RTP1: variants seen among roughly 807,000 people sequenced by gnomAD.
RTP1 encodes receptor transporter protein 1, also known as receptor-transporting protein 1.
Under a neutral mutation model 27.1 loss-of-function variants are expected in RTP1, and 24 were observed. The ratio of observed to expected loss-of-function variants is 0.89; its 90% confidence interval spans 0.64 to 1.25. The LOEUF is 1.25. Ranked by LOEUF, RTP1 falls within the 50% of genes most tolerant of loss-of-function variation. The pLI, the probability that RTP1 is intolerant of heterozygous loss-of-function variation, is 0.00. For synonymous variants in RTP1, 148 were observed against 148.1 expected, an observed-to-expected ratio of 1.00 and a Z score of 0.00; for missense variants, 338 against 351.6, an observed-to-expected ratio of 0.96 and a Z score of 0.31.
chr3:187,199,932 C>T lies in RTP1; in HGVS notation c.654C>T (p.Ser218=), dbSNP rs267599726. 6.3e-7 allele frequency: 1 copy of T among 1,596,640 alleles called. No homozygotes were observed. The highest frequency in any genetic ancestry group is 8.5e-7 in the Non-Finnish European group (1 of 1,170,086). ...AGGAGGCGACCACCTACACCTTCTC[C>T]CGGGCGCCCAGCCCCACCAAGTCGC... ...LEEEATTYTF[S]RAPSPTKSQD... is the part of the protein sequence containing the mutation. The change falls in exon 2 of 2, where the codon TCC becomes TCT. Residue 218 remains serine (S), a synonymous_variant. Coordinates refer to ENST00000312295, the MANE Select transcript of RTP1 (RefSeq NM_153708.3).
At chr3:187,198,103 G>A (rs1721635732) in intron 1 of RTP1, 2 of 260,358 alleles carry the variant, frequency 7.7e-6, no homozygotes, top group Non-Finnish European at 1.5e-5. Flanking sequence ...TATTTTAACA[G>A]TCTCTTAAAA....
chr3:187,198,168 C>T (rs573317868), intron 1 of RTP1: 12 of 181,600 alleles, frequency 6.6e-5, no homozygotes, highest in African/African-American at 1.6e-4. Context: ...TCGAGACGTC[C>T]GTGCTCTGGT....
Position 187,199,822 on chromosome 3 carries a change from G to C in RTP1, c.544G>C (p.Asp182His). Residue 182 changes from aspartate (D) to histidine (H), a missense_variant, in exon 2 of 2, where the codon GAC (aspartate) becomes CAC (histidine). Physicochemically the swap from Asp to His is moderately conservative, Grantham distance 81. Transcript: ENST00000312295. ...CCGCATCCACGTGGCCAGCCGCCAG[G>C]ACAACCGGCGGCACCGCGGAGAGTT... ...QYRIHVASRQ[D>H]NRRHRGEFCE... 9.3e-6 allele frequency: 15 copies of C among 1,608,688 alleles called. No individual in the cohort carries two copies. Among genetic ancestry groups the C allele is most frequent in the Non-Finnish European group, 1.3e-5 (15 of 1,175,832 alleles).
chr3:187,197,865 G>T, intron 1 of RTP1, 78 bp downstream of exon 1: 3 of 1,413,394 alleles, frequency 2.1e-6, no homozygotes, highest in Non-Finnish European at 2.9e-6. Context: ...AGGAGAGGAA[G>T]ATTACGTAGA....
rs149813250 is a variant in RTP1 at position 187,199,491 on chromosome 3, A to G, written c.273-60A>G. 2.0e-6 allele frequency: 3 copies of G among 1,523,812 alleles called. No individual in the cohort carries two copies. The African/African-American group carries it at 4.1e-5, about 21-fold the overall frequency. The allele number at this position is 1,523,812 out of a possible 1,614,324, so 94.4% of individuals were successfully genotyped here. A position where few individuals can be genotyped will look rare whatever the true frequency, so the allele number is the denominator to read the frequency against. On this transcript the variant is annotated intron_variant, in intron 1 of 1. Coordinates refer to ENST00000312295, the MANE Select transcript of RTP1 (RefSeq NM_153708.3). ...CTCCACGTCCCCTCACGCCATTCCTAGGGCTGTTTCCACCACCTCCGCCCG... is the reference window on the plus strand; with the variant it reads ...CTCCACGTCCCCTCACGCCATTCCTGGGGCTGTTTCCACCACCTCCGCCCG...
In RTP1 at chr3:187,199,560, C is replaced by T; in HGVS notation, c.282C>T (p.Cys94=). 6.3e-7 allele frequency: 1 copy of T among 1,590,908 alleles called. No homozygotes were observed. The highest frequency in any genetic ancestry group is 1.1e-5 in the South Asian group (1 of 88,838). Residue 94 remains cysteine, a synonymous_variant, in exon 2 of 2, where the codon TGC becomes TGT. Transcript: ENST00000312295. ...LELHASGRFH[C]SWCWHTWQSP... is the part of the protein sequence containing the mutation. ...CCTCCCGTCTCCGCAGGTTCCACTG[C>T]TCCTGGTGCTGGCACACCTGGCAGT...
rs766102005 is a variant in RTP1, at chr3:187,200,075, C to T, written c.*5C>T. 7.3e-6 allele frequency: 11 copies of T among 1,502,082 alleles called. No individual in the cohort carries two copies. In the African/African-American group the frequency reaches 1.5e-4, roughly 21 times the overall value. 93.0% of individuals were successfully genotyped at this position (1,502,082 alleles called of 1,614,324 possible). A position where few individuals can be genotyped will look rare whatever the true frequency, so the allele number is the denominator to read the frequency against. On this transcript the variant is annotated 3_prime_UTR_variant, in exon 2 of 2. Coordinates refer to ENST00000312295, the MANE Select transcript of RTP1 (RefSeq NM_153708.3). ...TCTTTCCGTAGCTCCGTATAAGATT[C>T]CGTGGTTGGGCCCAGAGCCTGTCGA...
Position 187,197,544 on chromosome 3 carries a change from G to GCTGC in RTP1, c.31_34dup (p.Pro12LeufsTer24). On this transcript the variant is annotated frameshift_variant, in exon 1 of 2. Transcript: ENST00000312295. LOFTEE classifies it high-confidence loss of function. Reference sequence around the variant, plus strand: ...AGGATTTTTAGACCGTGGAGACTGCGCTGCCCTGCCCTGCACCTACCCTCA... The same window carrying GCTGC: ...AGGATTTTTAGACCGTGGAGACTGCGCTGCCTGCCCTGCCCTGCACCTACCCTCA... 1 of 1,614,106 alleles carries GCTGC rather than the reference G, an allele frequency of 6.2e-7. No individual in the cohort carries two copies. The highest frequency in any genetic ancestry group is 1.3e-5 in the African/African-American group (1 of 75,026).
rs921126420 is a variant in RTP1, at chr3:187,200,025, G to C, written c.747G>C (p.Leu249=). 3 of 1,523,522 alleles carry C rather than the reference G, an allele frequency of 2.0e-6. No homozygotes were observed. In the African/African-American group the frequency reaches 4.2e-5, roughly 21 times the overall value. The allele number at this position is 1,523,522 out of a possible 1,614,324, so 94.4% of individuals were successfully genotyped here. The change falls in exon 2 of 2, where the codon CTG becomes CTC. Residue 249 remains leucine (L), a synonymous_variant. Coordinates refer to ENST00000312295, the MANE Select transcript of RTP1 (RefSeq NM_153708.3). The stretch of plus-strand genomic sequence containing the variant: ...GGTGCTTGTTTTGGGCCACGGTCCT[G>C]CTGCTGATCATCTACCTGCAGTTCT... ...IPWCLFWATV[L]LLIIYLQFSF...
At chr3:187,197,969 G>A (rs1721633578) in intron 1 of RTP1, 182 bp downstream of exon 1, 7 of 600,146 alleles carry the variant, frequency 1.2e-5, no homozygotes, top group Admixed American at 6.0e-5. Context: ...ACTTGAGTTG[G>A]ATTTCAGCTC....
At chr3:187,199,476 C>G (rs946165693) in intron 1 of RTP1, 75 bp from the exon 2 acceptor site, 3 of 1,487,336 alleles carry the variant, frequency 2.0e-6, no homozygotes, top group Admixed American at 2.0e-5. Flanking sequence ...CTCCACGTCC[C>G]CTCACGCCAT....
At chr3:187,197,862 G>A (rs564521159) in intron 1 of RTP1, 75 bp downstream of exon 1, 9 of 1,447,930 alleles carry the variant, frequency 6.2e-6, no homozygotes, top group East Asian at 4.6e-5. Flanking sequence ...CCAAGGAGAG[G>A]AAGATTACGT....
Position 187,200,279 on chromosome 3 carries a change from C to T in RTP1, c.*209C>T. On this transcript the variant is annotated 3_prime_UTR_variant, in exon 2 of 2. Coordinates refer to ENST00000312295, the MANE Select transcript of RTP1 (RefSeq NM_153708.3). ...GGTTTATCATAGTGAAACCCAGGAC[C>T]CCAAAGTTCTGCGTAGGTGCCTCAG... The T allele has an allele frequency of 2.3e-6, 1 of 432,856 alleles. No individual in the cohort carries two copies. The highest frequency in any genetic ancestry group is 3.6e-5 in the East Asian group (1 of 27,564). The allele number at this position is 432,856 out of a possible 1,614,324, so 26.8% of individuals were successfully genotyped here.
At chr3:187,197,938 T>A in intron 1 of RTP1, 151 bp downstream of exon 1, 1 of 719,184 alleles carries the variant, frequency 1.4e-6, no homozygotes, top group South Asian at 2.0e-5. Context: ...AGAGAAAGAG[T>A]CCCTAACTGG....
chr3:187,199,644 G>T lies in RTP1; in HGVS notation c.366G>T (p.Ser122=), dbSNP rs369967745. The change falls in exon 2 of 2, where the codon TCG becomes TCT. Residue 122 remains serine, a synonymous_variant. Coordinates refer to ENST00000312295, the MANE Select transcript of RTP1 (RefSeq NM_153708.3). ...TGGACCGCGCCCAGCGGGCGGGCTC[G>T]GTGCGCATGCGCGTCTTCAAGCAGC... ...MFLDRAQRAG[S]VRMRVFKQLC... 9.3e-6 allele frequency: 15 copies of T among 1,609,114 alleles called. No individual in the cohort carries two copies. In the African/African-American group the frequency reaches 1.9e-4, roughly 20 times the overall value.
At chr3:187,197,857 G>A (rs1192466466) in intron 1 of RTP1, 70 bp downstream of exon 1, 3 of 1,476,494 alleles carry the variant, frequency 2.0e-6, no homozygotes, top group Non-Finnish European at 2.8e-6. Flanking sequence ...ACCTTCCAAG[G>A]AGAGGAAGAT....
chr3:187,198,942 G>A (rs1371299506), intron 1 of RTP1, among the ~76,000 whole-genome samples: 1 of 152,164 alleles, frequency 6.6e-6, no homozygotes, highest in Non-Finnish European at 1.5e-5. Context: ...TGTGGGGGCT[G>A]AGTGGGGAGG....
chr3:187,200,119 G>A lies in RTP1; in HGVS notation c.*49G>A. The A allele has an allele frequency of 6.8e-7, 1 of 1,474,458 alleles. No individual in the cohort carries two copies. 91.3% of individuals were successfully genotyped at this position (1,474,458 alleles called of 1,614,324 possible). A position where few individuals can be genotyped will look rare whatever the true frequency, so the allele number is the denominator to read the frequency against. ...CTGTCGAGGGTGCCAGTTAGCTGATGCGAGGGTAGAGGAGAGACGTGGGTT... is the reference window on the plus strand; with the variant it reads ...CTGTCGAGGGTGCCAGTTAGCTGATACGAGGGTAGAGGAGAGACGTGGGTT... On this transcript the variant is annotated 3_prime_UTR_variant, in exon 2 of 2. Coordinates refer to ENST00000312295, the MANE Select transcript of RTP1 (RefSeq NM_153708.3).
At position 187,199,710 on chromosome 3, in the gene RTP1, C is replaced by T. The variant is rs757494379; in HGVS notation, c.432C>T (p.Ser144=). 4 of 1,612,810 alleles carry T rather than the reference C, an allele frequency of 2.5e-6. No individual in the cohort carries two copies. Among genetic ancestry groups the T allele is most frequent in the Non-Finnish European group, 3.4e-6 (4 of 1,179,252 alleles). Residue 144 remains serine, a synonymous_variant, in exon 2 of 2, where the codon AGC becomes AGT. Transcript: ENST00000312295. Reference sequence around the variant, plus strand: ...GCACGGCGCGGCTGGACGAGTCCAGCATGCTGGAGGAGAACATCGAGGGCC... The same window carrying T: ...GCACGGCGCGGCTGGACGAGTCCAGTATGCTGGAGGAGAACATCGAGGGCC... The part of the protein sequence containing the change: ...ECGTARLDES[S]MLEENIEGLV...
Sources: gnomAD v4.1 joint callset for allele counts (sites outside exome capture counted in the v4.1 genomes callset) on GRCh38, gnomAD v4.1.1 for gene constraint, MANE v1.5 for transcripts, NCBI Gene and HGNC (gene_info 2026-07-23, HGNC 2026-07-21) for gene names.